Variants in PPM1B observed in about 807,000 individuals in gnomAD.
PPM1B encodes protein phosphatase 1B.
PPM1B carries 22 observed loss-of-function variants against 43.0 expected under a neutral mutation model. The observed-to-expected ratio is 0.51, with a 90% CI of 0.37 to 0.73. The LOEUF (loss-of-function observed/expected upper bound fraction) is 0.73. Among genes scored for constraint, PPM1B ranks in the 30% least tolerant of loss-of-function variants. The pLI is 0.00. For synonymous variants in PPM1B, 217 were observed against 197.9 expected (o/e 1.10, Z -0.81); for missense variants, 632 against 584.2 (o/e 1.08, Z -0.84).
intron 5 of PPM1B, among the ~76,000 whole-genome samples, chr2:44,224,689 T>C (rs764899493): frequency 2.8e-5 from 3 of 106,888 alleles, no homozygotes; most frequent in African/African-American, 5.9e-5. Flanking sequence ...GTCTAGCTGA[T>C]AGTAAAAGCT....
intron 1 of PPM1B, among the ~76,000 whole-genome samples, chr2:44,192,909 T>C (rs1350411047): frequency 2.0e-5 from 3 of 152,260 alleles, no homozygotes; most frequent in Non-Finnish European, 2.9e-5. Context: ...CTTCTTTTTT[T>C]AAGGCTGAAC....
intron 5 of PPM1B, among the ~76,000 whole-genome samples, chr2:44,243,832 A>G (rs1315616003): frequency 6.6e-6 from 1 of 152,110 alleles, no homozygotes; most frequent in Non-Finnish European, 1.5e-5. Flanking sequence ...TTCCAGATGA[A>G]TTTTTCAATA....
At chr2:44,224,455 C>CAAAAA (rs75767532) in intron 5 of PPM1B, among the ~76,000 whole-genome samples, 1 of 84,674 alleles carries the variant, frequency 1.2e-5, no homozygotes, top group Non-Finnish European at 2.3e-5. Flanking sequence ...ACTCCGTCTC[C>CAAAAA]AAAAAAAAAA....
intron 5 of PPM1B, 23 bp from the exon 6 acceptor site, chr2:44,230,390 G>T (rs1670415821): frequency 6.2e-7 from 1 of 1,609,516 alleles, no homozygotes; most frequent in Admixed American, 1.7e-5. Flanking sequence ...TACTGACACT[G>T]GGGTCTTGAA....
chr2:44,202,587 G>A (rs1012576834), intron 2 of PPM1B, among the ~76,000 whole-genome samples: 2 of 144,934 alleles, frequency 1.4e-5, no homozygotes, highest in African/African-American at 5.5e-5. Context: ...ATCTAAAAAG[G>A]ATTTACATGT....
At chr2:44,202,075 C>T in intron 2 of PPM1B, 30 bp downstream of exon 2, 1 of 1,476,270 alleles carries the variant, frequency 6.8e-7, no homozygotes, top group Non-Finnish European at 9.0e-7. Flanking sequence ...ATTAAAATAA[C>T]ATGTTAATTT....
At chr2:44,232,975 C>T, downstream of PPM1B, 1 of 980,184 alleles carries the variant, frequency 1.0e-6, no homozygotes, top group Non-Finnish European at 1.2e-6. Context: ...ATTATAAACC[C>T]TTACAAATTT....
At chr2:44,182,982 C>G (rs1667953927) in intron 1 of PPM1B, among the ~76,000 whole-genome samples, 1 of 152,170 alleles carries the variant, frequency 6.6e-6, no homozygotes, top group Admixed American at 6.5e-5. Flanking sequence ...TGCATGACCC[C>G]AGCAGTTGGG....
chr2:44,187,006 A>G (rs2104047661), intron 1 of PPM1B, among the ~76,000 whole-genome samples: 1 of 152,384 alleles, frequency 6.6e-6, no homozygotes. Flanking sequence ...AAGTATATTC[A>G]CATTATTGTG....
In PPM1B at chr2:44,171,852, A is replaced by G. The variant is rs796872736; in HGVS notation, c.-15+2578A>G. 3.2e-3 allele frequency among the ~76,000 whole-genome samples: 458 copies of G among 141,038 alleles called. 2 individuals carry two copies. Among genetic ancestry groups the G allele is most frequent in the African/African-American group, 0.011 (441 of 38,836 alleles). The allele number at this position is 141,038 out of a possible 152,430, so 92.5% of individuals were successfully genotyped here. A position where few individuals can be genotyped will look rare whatever the true frequency, so the allele number is the denominator to read the frequency against. On this transcript the variant is annotated intron_variant, in intron 1 of 5. Transcript: ENST00000282412. The stretch of plus-strand genomic sequence containing the variant: ...CTCAAAAAAAAAAAAAAAAAAAAAA[A>G]GCTGTATTTCATGAATATTTTTATA...
chr2:44,171,949 C>T lies in PPM1B; in HGVS notation c.-15+2675C>T, dbSNP rs1279501629. 2.6e-5 allele frequency among the ~76,000 whole-genome samples: 4 copies of T among 151,958 alleles called. No homozygotes were observed. In the South Asian group the frequency reaches 6.2e-4, roughly 24 times the overall value. On this transcript the variant is annotated intron_variant, in intron 1 of 5. Coordinates refer to ENST00000282412, the MANE Select transcript of PPM1B (RefSeq NM_002706.6). ...AGTTAAGTAGTATAATTCTAACTCTCGCTTTTAAAAATGCAACATACAGTA... is the reference window on the plus strand; with the variant it reads ...AGTTAAGTAGTATAATTCTAACTCTTGCTTTTAAAAATGCAACATACAGTA...
intron 5 of PPM1B, among the ~76,000 whole-genome samples, chr2:44,229,752 T>A (rs1285169082): frequency 1.3e-5 from 2 of 152,192 alleles, no homozygotes; most frequent in Admixed American, 6.5e-5. Context: ...GCTTGTTCTG[T>A]ACAGTATTAA....
At chr2:44,198,919 G>GA in intron 1 of PPM1B, among the ~76,000 whole-genome samples, 1 of 152,276 alleles carries the variant, frequency 6.6e-6, no homozygotes, top group Admixed American at 6.5e-5. Flanking sequence ...TTTTGCAGTT[G>GA]AAAATTTCAT....
At chr2:44,183,392 A>T (rs117136710) in intron 1 of PPM1B, among the ~76,000 whole-genome samples, 1 of 152,346 alleles carries the variant, frequency 6.6e-6, no homozygotes, top group East Asian at 1.9e-4. Context: ...TTTGGAAACA[A>T]ATATCTGCAC....
At chr2:44,196,553 A>G (rs1383717435) in intron 1 of PPM1B, among the ~76,000 whole-genome samples, 11 of 152,242 alleles carry the variant, frequency 7.2e-5, no homozygotes, top group African/African-American at 2.4e-4. Context: ...AAAGAAAATA[A>G]CTGCCCAATC....
intron 4 of PPM1B, 32 bp downstream of exon 4, chr2:44,218,110 G>A (rs1027852994): frequency 2.7e-5 from 39 of 1,453,624 alleles, no homozygotes; most frequent in African/African-American, 8.4e-5. Flanking sequence ...TTTTGAGTTC[G>A]TTCATAATTA....
intron 5 of PPM1B, chr2:44,230,143 A>G (rs1403123472): frequency 1.4e-6 from 2 of 1,447,522 alleles, no homozygotes; most frequent in Non-Finnish European, 1.8e-6. Context: ...GTTGAATTAT[A>G]AAAGCTGAGT....
At chr2:44,241,897 C>A (rs1196982963) in intron 5 of PPM1B, among the ~76,000 whole-genome samples, 1 of 126,032 alleles carries the variant, frequency 7.9e-6, no homozygotes, top group Non-Finnish European at 1.6e-5. Context: ...CTCGCACTCT[C>A]GTCCAGGCTG....
At chr2:44,223,826 AAAAAAAAAAAAAAAAAAAG>A (rs1670086369) in intron 5 of PPM1B, among the ~76,000 whole-genome samples, 2 of 146,094 alleles carry the variant, frequency 1.4e-5, no homozygotes, top group South Asian at 4.2e-4. Flanking sequence ...AAAAAAAAAA[AAAAAAAAAAAAAAAAAAAG>A]AGAGAGAGAG....
Sources: gnomAD v4.1 joint callset for allele counts (sites outside exome capture counted in the v4.1 genomes callset) on GRCh38, gnomAD v4.1.1 for gene constraint, MANE v1.5 for transcripts, NCBI Gene and HGNC (gene_info 2026-07-23, HGNC 2026-07-21) for gene names.